GPLD1: variants seen among roughly 807,000 people sequenced by gnomAD.
The protein encoded by GPLD1 is phosphatidylinositol-glycan-specific phospholipase D.
In GPLD1, 84 loss-of-function variants were observed where a neutral mutation model predicts 112.6. That is an observed-to-expected ratio of 0.75 (90% CI 0.63 to 0.89). The LOEUF is 0.89. Ranked by LOEUF, GPLD1 falls within the 40% of genes least tolerant of loss-of-function variation. GPLD1 has a pLI of 0.00. For synonymous variants in GPLD1, 386 were observed against 403.8 expected, an observed-to-expected ratio of 0.96 and a Z score of 0.53; for missense variants, 1,044 against 1,051.5, an observed-to-expected ratio of 0.99 and a Z score of 0.10.
intron 10 of GPLD1, 38 bp from the exon 11 acceptor site, chr6:24,462,833 TTC>T: frequency 5.4e-6 from 6 of 1,108,082 alleles, no homozygotes; most frequent in Non-Finnish European, 7.7e-6. Flanking sequence ...ATTTATCTAC[TTC>T]TTCACAAGCA....
chr6:24,456,933 C>T (rs1032808623), intron 12 of GPLD1, among the ~76,000 whole-genome samples: 10 of 152,184 alleles, frequency 6.6e-5, no homozygotes, highest in Middle Eastern at 6.8e-3. Flanking sequence ...TGCAGTGGCA[C>T]GATCTCAACT....
intron 24 of GPLD1, among the ~76,000 whole-genome samples, chr6:24,431,593 G>A (rs1314124794): frequency 2.0e-5 from 3 of 149,716 alleles, no homozygotes; most frequent in African/African-American, 4.9e-5. Flanking sequence ...GGAGTACAGT[G>A]GCACCATCTA....
chr6:24,458,415 T>C (rs1005191133), intron 12 of GPLD1, among the ~76,000 whole-genome samples: 1 of 152,176 alleles, frequency 6.6e-6, no homozygotes, highest in African/African-American at 2.4e-5. Flanking sequence ...CAGCAGACAC[T>C]GGGAACATAA....
At position 24,466,740 on chromosome 6, in the gene GPLD1, A is replaced by G. The variant is rs147074009; in HGVS notation, c.761T>C (p.Met254Thr). 1.2e-5 allele frequency: 20 copies of G among 1,611,676 alleles called. No individual in the cohort carries two copies. Among genetic ancestry groups the G allele is most frequent in the African/African-American group, 1.1e-4 (8 of 75,012 alleles). ...GTAAATATTAGTGGACCAAAATGCC[A>G]TATCATCCAGTCCTCCAAGAAAATA... ...QEYFLGGLDD[M>T]AFWSTNIYHL... The change falls in exon 10 of 25, where the codon ATG becomes ACG. Residue 254 changes from methionine to threonine, a missense_variant. Transcript: ENST00000230036.
rs1011246189 is a variant in GPLD1, at chr6:24,454,512, G to C, written c.1149-311C>G. Among the ~76,000 whole-genome samples the C allele has an allele frequency of 2.0e-5, 3 of 152,238 alleles. No individual in the cohort carries two copies. In the East Asian group the frequency reaches 5.8e-4, roughly 29 times the overall value. On this transcript the variant is annotated intron_variant, in intron 13 of 24. Coordinates refer to ENST00000230036, the MANE Select transcript of GPLD1 (RefSeq NM_001503.4). ...TTATACACAAAACCAGGGCTTGCCTGAGAGTAGAGAGGAAATTCATGTCCA... is the reference window on the plus strand; with the variant it reads ...TTATACACAAAACCAGGGCTTGCCTCAGAGTAGAGAGGAAATTCATGTCCA...
chr6:24,435,584 C>T (rs529290364), intron 22 of GPLD1, among the ~76,000 whole-genome samples: 9 of 151,740 alleles, frequency 5.9e-5, no homozygotes, highest in East Asian at 3.9e-4. Context: ...AGGTGGGGTA[C>T]GGTGGCTCAT....
chr6:24,439,109 A>G (rs959573157), intron 20 of GPLD1, among the ~76,000 whole-genome samples: 2 of 152,100 alleles, frequency 1.3e-5, no homozygotes, highest in Non-Finnish European at 2.9e-5. Flanking sequence ...CGTGCCTCCT[A>G]AAGGAACCAT....
At chr6:24,492,291 G>C (rs1320869558), upstream of GPLD1, among the ~76,000 whole-genome samples, 2 of 152,000 alleles carry the variant, frequency 1.3e-5, no homozygotes, top group Non-Finnish European at 2.9e-5. Context: ...GATCACCTGA[G>C]GTCAGGAGTT....
At chr6:24,440,797 A>AG (rs770827872) in intron 20 of GPLD1, among the ~76,000 whole-genome samples, 7 of 152,016 alleles carry the variant, frequency 4.6e-5, no homozygotes, top group Non-Finnish European at 8.8e-5. Flanking sequence ...TGAGATAGGT[A>AG]GGTAGGTAGG....
intron 2 of GPLD1, 130 bp from the exon 3 acceptor site, chr6:24,480,089 G>A: frequency 3.2e-6 from 2 of 615,544 alleles, no homozygotes; most frequent in Non-Finnish European, 5.9e-6. Flanking sequence ...GAAAAAGGAA[G>A]GAAAGCAGGC....
At position 24,454,138 on chromosome 6, in the gene GPLD1, G is replaced by A. The variant is rs1188137351; in HGVS notation, c.1212C>T (p.Gly404=). 2 of 1,613,870 alleles carry A rather than the reference G, an allele frequency of 1.2e-6. No individual in the cohort carries two copies. The highest frequency in any genetic ancestry group is 1.7e-6 in the Non-Finnish European group (2 of 1,179,924). ...GHGDLVVGAP[G]YSRPGHIHIG... ...TGTGGATGTGGCCGGGGCGGCTGTA[G>A]CCTGGTGCGCCCACCACGAGGTCAC... is the stretch of plus-strand genomic sequence containing the variant. Residue 404 remains glycine, a synonymous_variant, in exon 14 of 25, where the codon GGC becomes GGT. Coordinates refer to ENST00000230036, the MANE Select transcript of GPLD1 (RefSeq NM_001503.4).
intron 2 of GPLD1, among the ~76,000 whole-genome samples, chr6:24,480,556 C>T (rs554350040): frequency 2.6e-5 from 4 of 152,282 alleles, no homozygotes; most frequent in Admixed American, 6.5e-5. Flanking sequence ...CACAAACGCA[C>T]GTACGCACGC....
intron 14 of GPLD1, among the ~76,000 whole-genome samples, chr6:24,453,012 C>G (rs181565296): frequency 3.9e-5 from 6 of 151,992 alleles, no homozygotes; most frequent in East Asian, 1.9e-4. Context: ...CCCACCCCCC[C>G]ACGCTCCTCC....
intron 22 of GPLD1, among the ~76,000 whole-genome samples, chr6:24,434,861 G>T (rs1380371819): frequency 1.4e-5 from 2 of 145,606 alleles, no homozygotes; most frequent in Non-Finnish European, 3.0e-5. Flanking sequence ...AAAAAGACAG[G>T]GTCTCCCTAT....
intron 22 of GPLD1, among the ~76,000 whole-genome samples, chr6:24,435,016 C>CTT (rs574602048): frequency 2.4e-4 from 32 of 134,122 alleles, no homozygotes; most frequent in African/African-American, 5.3e-4. Flanking sequence ...ATATTAATTT[C>CTT]TTTTTTTTTT....
rs1352660571 is a variant in GPLD1, at chr6:24,461,925, CTT to C, written c.887+803_887+804del. ...ATACACATATTTGTAATATTAATAA[CTT>C]ATTAAATGAATGCATAAATGACTGT... On this transcript the variant is annotated intron_variant, in intron 11 of 24. Transcript: ENST00000230036. Among the ~76,000 whole-genome samples the C allele has an allele frequency of 1.7e-4, 26 of 152,002 alleles. 1 individual carries two copies. The highest frequency in any genetic ancestry group is 1.2e-4 in the Non-Finnish European group (8 of 68,010).
rs1062495 is a variant in GPLD1, at chr6:24,460,318, A to G, written c.969T>C (p.Thr323=). 4 of 1,613,394 alleles carry G rather than the reference A, an allele frequency of 2.5e-6. No homozygotes were observed. In the Admixed American group the frequency reaches 6.7e-5, roughly 27 times the overall value. The change falls in exon 12 of 25, where the codon ACT becomes ACC. Residue 323 remains threonine, a synonymous_variant. Coordinates refer to ENST00000230036, the MANE Select transcript of GPLD1 (RefSeq NM_001503.4). ...TTACACTAAAGAACACTCCTCTTTC[A>G]GTATAGTTTATATTCCTGTCAACAC... The part of the protein sequence containing the change: ...TESVDRNINY[T]ERGVFFSVNS...
At chr6:24,444,447 C>A (rs1299107259) in intron 20 of GPLD1, among the ~76,000 whole-genome samples, 1 of 151,186 alleles carries the variant, frequency 6.6e-6, no homozygotes, top group Non-Finnish European at 1.5e-5. Flanking sequence ...CAGAAGTTTC[C>A]ACAATAAGCA....
At chr6:24,435,303 GC>G (rs1260614797) in intron 22 of GPLD1, among the ~76,000 whole-genome samples, 1 of 152,066 alleles carries the variant, frequency 6.6e-6, no homozygotes, top group Non-Finnish European at 1.5e-5. Context: ...GAGCCACTGC[GC>G]CCGGCCAATT....
Sources: gnomAD v4.1 joint callset for allele counts (sites outside exome capture counted in the v4.1 genomes callset) on GRCh38, gnomAD v4.1.1 for gene constraint, MANE v1.5 for transcripts, NCBI Gene and HGNC (gene_info 2026-07-23, HGNC 2026-07-21) for gene names.